Variants in ADGRA1 observed in about 807,000 individuals in gnomAD.
ADGRA1 encodes G-protein coupled receptor 123.
A neutral mutation model predicts 21.3 loss-of-function variants in ADGRA1; 12 were observed. The ratio of observed to expected loss-of-function variants is 0.56; its 90% CI spans 0.36 to 0.91. ADGRA1 has a LOEUF of 0.91. ADGRA1 is among the 40% of genes least tolerant of loss of function. The pLI, the probability that ADGRA1 is intolerant of heterozygous loss-of-function variation, is 0.01. For missense variants in ADGRA1, 790 were observed against 805.6 expected (o/e 0.98, Z 0.23); for synonymous variants, 385 against 368.8 (o/e 1.04, Z -0.50).
intron 3 of ADGRA1, 70 bp downstream of exon 3, chr10:133,097,171 C>G: frequency 6.4e-7 from 1 of 1,569,496 alleles, no homozygotes; most frequent in Non-Finnish European, 8.7e-7. Context: ...AGGCAAGTCC[C>G]TGAAGGGCAA....
At chr10:133,088,543 G>T (rs1281618295) in intron 1 of ADGRA1, 165 bp from the exon 2 acceptor site, 2 of 291,036 alleles carry the variant, frequency 6.9e-6, no homozygotes, top group Non-Finnish European at 1.2e-5. Context: ...CCCCCCACCG[G>T]TCCCCACCGG....
chr10:133,115,321 T>C (rs1220400782), intron 5 of ADGRA1, among the ~76,000 whole-genome samples: 1 of 152,166 alleles, frequency 6.6e-6, no homozygotes, highest in Non-Finnish European at 1.5e-5. Flanking sequence ...ACACAGGCTC[T>C]GCCCAGCGGT....
At chr10:133,088,250 A>G (rs1216305993) in intron 1 of ADGRA1, 112 bp downstream of exon 1, 5 of 380,374 alleles carry the variant, frequency 1.3e-5, no homozygotes, top group African/African-American at 1.1e-4. Flanking sequence ...GCTCCGAGTA[A>G]CTTTCGGCTC....
intron 5 of ADGRA1, among the ~76,000 whole-genome samples, chr10:133,110,474 A>G (rs907740005): frequency 1.3e-5 from 2 of 152,238 alleles, no homozygotes; most frequent in South Asian, 2.1e-4. Flanking sequence ...ATGTGCTGAA[A>G]GCCACTGACC....
intron 5 of ADGRA1, among the ~76,000 whole-genome samples, chr10:133,103,850 C>T (rs1418085368): frequency 6.6e-6 from 1 of 152,254 alleles, no homozygotes; most frequent in Non-Finnish European, 1.5e-5. Flanking sequence ...AAGCCAGGCT[C>T]GGAGCGTGGC....
chr10:133,099,510 C>T (rs1851753946), intron 4 of ADGRA1, among the ~76,000 whole-genome samples: 1 of 152,174 alleles, frequency 6.6e-6, no homozygotes, highest in African/African-American at 2.4e-5. Context: ...AAGAACGACA[C>T]ACAGAAGGGC....
Position 133,121,649 on chromosome 10 carries a change from A to G in ADGRA1, c.402-5584A>G, listed in dbSNP as rs540709849. ...GTGATGTGTGCCAGTGTGCGTGTGC[A>G]TGTGTGTGGTGTGTGCCAGTGTGCA... is the stretch of plus-strand genomic sequence containing the variant. On this transcript the variant is annotated intron_variant, in intron 5 of 6. Coordinates refer to ENST00000392607, the MANE Select transcript of ADGRA1 (RefSeq NM_001083909.3). Among the ~76,000 whole-genome samples, 11 of 106,730 alleles carry G rather than the reference A, an allele frequency of 1.0e-4. No homozygotes were observed. The East Asian group carries it at 3.2e-3, about 31-fold the overall frequency. 70.0% of individuals were successfully genotyped at this position (106,730 alleles called of 152,430 possible). A position where few individuals can be genotyped will look rare whatever the true frequency, so the allele number is the denominator to read the frequency against.
At chr10:133,102,906 G>A in intron 5 of ADGRA1, 64 bp downstream of exon 5, 3 of 1,536,168 alleles carry the variant, frequency 2.0e-6, no homozygotes, top group Non-Finnish European at 2.7e-6. Context: ...TGCACCTTCT[G>A]GGTCTTGGCA....
In ADGRA1 at chr10:133,131,138, A is replaced by T. The variant is rs1282269919; in HGVS notation, c.*1627A>T. The T allele has an allele frequency of 6.6e-6, 1 of 151,808 alleles. No individual in the cohort carries two copies. The highest frequency in any genetic ancestry group is 1.5e-5 in the Non-Finnish European group (1 of 67,988). The allele number at this position is 151,808 out of a possible 1,614,324, so 9.4% of individuals were successfully genotyped here. On this transcript the variant is annotated 3_prime_UTR_variant, in exon 7 of 7. Transcript: ENST00000392607. ...AGTGTTCCCAGCACCTGCTCGGTGG[A>T]AGGGCTCTCCGGAGACTGGCACTCA...
chr10:133,113,013 T>A (rs894830017), intron 5 of ADGRA1, among the ~76,000 whole-genome samples: 1 of 148,502 alleles, frequency 6.7e-6, no homozygotes, highest in Non-Finnish European at 1.5e-5. Context: ...GTGTCAGTTA[T>A]TTGGGGTCTG....
In ADGRA1 at chr10:133,094,155, C is replaced by G. The variant is rs4838787; in HGVS notation, c.4-2819C>G. Among the ~76,000 whole-genome samples, 60 of 152,376 alleles carry G rather than the reference C, an allele frequency of 3.9e-4. No individual in the cohort carries two copies. In the South Asian group the frequency reaches 6.4e-3, roughly 16 times the overall value. On this transcript the variant is annotated intron_variant, in intron 2 of 6. Coordinates refer to ENST00000392607, the MANE Select transcript of ADGRA1 (RefSeq NM_001083909.3). ...CACAGCTTGGCCTTCAGACGAGAAG[C>G]CCCACACAAGGCGGCGTGGCCCTCG...
intron 5 of ADGRA1, among the ~76,000 whole-genome samples, chr10:133,124,527 A>G (rs1266625821): frequency 6.6e-6 from 1 of 152,200 alleles, no homozygotes; most frequent in African/African-American, 2.4e-5. Context: ...CGCTGCCCCA[A>G]CGCTGGGCAC....
In ADGRA1 at chr10:133,128,510, C is replaced by G. The variant is rs1453389415; in HGVS notation, c.682C>G (p.Arg228Gly). The change falls in exon 7 of 7, where the codon CGT (arginine) becomes GGT (glycine). Residue 228 changes from arginine (R) to glycine (G), a missense_variant. Around this residue, in one of 3 missense-constraint regions of ADGRA1, gnomAD observed 382 missense variants for 415.6 expected, o/e 0.92. Coordinates refer to ENST00000392607, the MANE Select transcript of ADGRA1 (RefSeq NM_001083909.3). ...GCGGCTGGCGACACCCGAGGGCGGC[C>G]GTGGGATCCGGCCAGGCACCCCACC... ...QRRLATPEGG[R>G]GIRPGTPPAH... The G allele has an allele frequency of 1.3e-6, 2 of 1,547,810 alleles. No homozygotes were observed. The highest frequency in any genetic ancestry group is 1.9e-5 in the Admixed American group (1 of 51,512).
At chr10:133,111,096 AGCTCCCCTCCTAATCCTGCTGGCC>A (rs1851983247) in intron 5 of ADGRA1, among the ~76,000 whole-genome samples, 1 of 141,482 alleles carries the variant, frequency 7.1e-6, no homozygotes, top group African/African-American at 2.5e-5. Flanking sequence ...TGCCATGGGC[AGCTCCCCTCCTAATCCTGCTGGCC>A]ACCTGCCCGC....
rs1852451131 is a variant in ADGRA1 at position 133,129,046 on chromosome 10, C to T, written c.1218C>T (p.Ala406=). 6.4e-7 allele frequency: 1 copy of T among 1,556,026 alleles called. No homozygotes were observed. Among genetic ancestry groups the T allele is most frequent in the Non-Finnish European group, 8.7e-7 (1 of 1,148,934 alleles). The change falls in exon 7 of 7, where the codon GCC becomes GCT. Residue 406 remains alanine (A), a synonymous_variant. Coordinates refer to ENST00000392607, the MANE Select transcript of ADGRA1 (RefSeq NM_001083909.3). ...EAHVHLQEEG[A]FGHDPHLHGC... The stretch of plus-strand genomic sequence containing the variant: ...ACGTGCACCTGCAGGAGGAGGGCGC[C>T]TTCGGGCACGACCCCCACCTGCACG...
At chr10:133,106,771 C>A (rs1851901132) in intron 5 of ADGRA1, among the ~76,000 whole-genome samples, 1 of 152,244 alleles carries the variant, frequency 6.6e-6, no homozygotes, top group African/African-American at 2.4e-5. Flanking sequence ...CCATCGAGGC[C>A]AAAGACCCTC....
chr10:133,111,786 T>C (rs111405238), intron 5 of ADGRA1, among the ~76,000 whole-genome samples: 28 of 7,586 alleles, frequency 3.7e-3, no homozygotes, highest in African/African-American at 0.01. Context: ...TCCTAATCCC[T>C]CCAGACCACC....
chr10:133,094,109 G>A (rs909704908), intron 2 of ADGRA1, among the ~76,000 whole-genome samples: 5 of 152,246 alleles, frequency 3.3e-5, no homozygotes, highest in East Asian at 1.9e-4. Flanking sequence ...TGCCCTTGCC[G>A]CCTCAGTCCG....
intron 5 of ADGRA1, among the ~76,000 whole-genome samples, chr10:133,122,214 C>G (rs570052957): frequency 6.6e-6 from 1 of 152,214 alleles, no homozygotes; most frequent in African/African-American, 2.4e-5. Flanking sequence ...CACCTGGGCC[C>G]AGGACCTTTT....
Sources: gnomAD v4.1 joint callset for allele counts (sites outside exome capture counted in the v4.1 genomes callset) on GRCh38, gnomAD v4.1.1 for gene constraint, gnomAD v4.1.1 regional missense constraint, MANE v1.5 for transcripts, NCBI Gene and HGNC (gene_info 2026-07-23, HGNC 2026-07-21) for gene names.